TENM4: variants seen among roughly 807,000 people sequenced by gnomAD.
TENM4 encodes the protein teneurin-4.
TENM4 carries 82 observed loss-of-function variants against 243.3 expected under a neutral mutation model. That is an observed-to-expected ratio of 0.34 (90% CI 0.28 to 0.40). The LOEUF is 0.40. Among genes scored for constraint, TENM4 ranks in the 10% least tolerant of loss-of-function variants. The pLI is 1.00. For synonymous variants in TENM4, 1,412 were observed against 1,456.3 expected (o/e 0.97, Z 0.69); for missense variants, 3,138 against 3,673.3 (o/e 0.85, Z 3.77).
At chr11:79,387,915 G>A (rs959968187) in intron 1 of TENM4, among the ~76,000 whole-genome samples, 1 of 152,230 alleles carries the variant, frequency 6.6e-6, no homozygotes, top group Non-Finnish European at 1.5e-5. Flanking sequence ...TGAGGTGGAA[G>A]GATTGCTTGA....
intron 17 of TENM4, among the ~76,000 whole-genome samples, chr11:78,773,738 T>C (rs1856687767): frequency 6.6e-6 from 1 of 152,216 alleles, no homozygotes; most frequent in Admixed American, 6.5e-5. Context: ...AAATAGGTGA[T>C]GGGCCCGATT....
intron 1 of TENM4, among the ~76,000 whole-genome samples, chr11:79,423,355 C>T (rs1010138217): frequency 2.6e-5 from 4 of 151,308 alleles, no homozygotes; most frequent in East Asian, 1.9e-4. Context: ...ACACTTCCTA[C>T]GGCAAAGTTC....
At chr11:79,223,606 T>C (rs1186869280) in intron 2 of TENM4, among the ~76,000 whole-genome samples, 3 of 152,114 alleles carry the variant, frequency 2.0e-5, no homozygotes, top group Non-Finnish European at 4.4e-5. Context: ...AGCAGTTCTT[T>C]TCACTGTCCA....
chr11:78,749,552 G>A (rs1307818025), intron 19 of TENM4, among the ~76,000 whole-genome samples: 1 of 152,142 alleles, frequency 6.6e-6, no homozygotes, highest in East Asian at 1.9e-4. Context: ...CCTGGGTGGA[G>A]GTGTGGGGTG....
At chr11:79,021,052 C>T (rs917862506) in intron 6 of TENM4, among the ~76,000 whole-genome samples, 4 of 152,180 alleles carry the variant, frequency 2.6e-5, no homozygotes, top group Admixed American at 6.5e-5. Flanking sequence ...TGGGCCAGCT[C>T]AGAGCCTAGC....
intron 6 of TENM4, among the ~76,000 whole-genome samples, chr11:79,000,283 T>C (rs1591195628): frequency 1.3e-5 from 2 of 152,298 alleles, no homozygotes; most frequent in African/African-American, 2.4e-5. Context: ...TATTGAGATA[T>C]ACTCAAATCC....
Position 78,748,364 on chromosome 11 carries a change from A to G in TENM4, c.2756+8441T>C, listed in dbSNP as rs552743005. ...GATTAAGAGACTTGTCTAAGGTCACACAGCTAGCAAACAGTGAGGCTGAGA... is the reference window on the plus strand; with the variant it reads ...GATTAAGAGACTTGTCTAAGGTCACGCAGCTAGCAAACAGTGAGGCTGAGA... On this transcript the variant is annotated intron_variant, in intron 19 of 33. Coordinates refer to ENST00000278550, the MANE Select transcript of TENM4 (RefSeq NM_001098816.3). Among the ~76,000 whole-genome samples the G allele has an allele frequency of 3.9e-5, 6 of 152,368 alleles. 1 individual carries two copies. In the South Asian group the frequency reaches 1.2e-3, roughly 32 times the overall value.
intron 3 of TENM4, among the ~76,000 whole-genome samples, chr11:79,199,535 G>A (rs534730352): frequency 5.3e-5 from 8 of 152,308 alleles, no homozygotes; most frequent in African/African-American, 1.9e-4. Flanking sequence ...TGTGTGCTGA[G>A]TAGAGGATAT....
At chr11:79,142,541 A>G (rs955224360) in intron 4 of TENM4, among the ~76,000 whole-genome samples, 2 of 152,150 alleles carry the variant, frequency 1.3e-5, no homozygotes, top group African/African-American at 2.4e-5. Context: ...CAATATTGTT[A>G]AAATACTCAT....
At chr11:79,199,074 A>C (rs534876451) in intron 3 of TENM4, among the ~76,000 whole-genome samples, 20 of 152,246 alleles carry the variant, frequency 1.3e-4, no homozygotes, top group Admixed American at 5.2e-4. Flanking sequence ...AGGGGGAAGA[A>C]TGAGTCAAGA....
intron 6 of TENM4, among the ~76,000 whole-genome samples, chr11:78,942,944 G>A (rs1257938810): frequency 6.6e-6 from 1 of 152,068 alleles, no homozygotes; most frequent in Non-Finnish European, 1.5e-5. Flanking sequence ...ACGGTACTGT[G>A]TCTTTCCAAG....
intron 4 of TENM4, among the ~76,000 whole-genome samples, chr11:79,084,094 A>G (rs774855938): frequency 6.6e-6 from 1 of 152,358 alleles, no homozygotes; most frequent in South Asian, 2.1e-4. Flanking sequence ...ATATATACAC[A>G]TGGCAAATAA....
intron 4 of TENM4, among the ~76,000 whole-genome samples, chr11:79,100,622 C>T (rs568388829): frequency 6.6e-6 from 1 of 152,192 alleles, no homozygotes; most frequent in East Asian, 1.9e-4. Flanking sequence ...CTGCTTGGCA[C>T]ACAGTAAGTG....
At chr11:79,185,204 G>C (rs367742446) in intron 3 of TENM4, among the ~76,000 whole-genome samples, 2 of 152,036 alleles carry the variant, frequency 1.3e-5, no homozygotes, top group Non-Finnish European at 1.5e-5. Flanking sequence ...AGGCTGAGGT[G>C]GGGGGATTGT....
chr11:78,917,935 T>C (rs533744895), intron 6 of TENM4, among the ~76,000 whole-genome samples: 1 of 152,322 alleles, frequency 6.6e-6, no homozygotes, highest in African/African-American at 2.4e-5. Flanking sequence ...TGAGGATTCA[T>C]GTAAAGTGCT....
At chr11:79,240,468 T>C (rs1040587391) in intron 2 of TENM4, among the ~76,000 whole-genome samples, 2 of 152,206 alleles carry the variant, frequency 1.3e-5, no homozygotes, top group Admixed American at 1.3e-4. Context: ...ACCTGGACTA[T>C]GCTGTCTTAT....
chr11:78,799,951 G>A (rs1857248304), intron 15 of TENM4, among the ~76,000 whole-genome samples: 1 of 152,170 alleles, frequency 6.6e-6, no homozygotes, highest in African/African-American at 2.4e-5. Flanking sequence ...TTATGAGGCT[G>A]AGGAGAGAGG....
At chr11:78,899,131 T>C (rs1372350958) in intron 7 of TENM4, among the ~76,000 whole-genome samples, 1 of 152,064 alleles carries the variant, frequency 6.6e-6, no homozygotes, top group Non-Finnish European at 1.5e-5. Context: ...CACTATAGCA[T>C]TTTCAGGCCA....
At position 78,842,481 on chromosome 11, in the gene TENM4, A is replaced by C. The variant is rs140926416; in HGVS notation, c.1681+11623T>G. On this transcript the variant is annotated intron_variant, in intron 12 of 33. Transcript: ENST00000278550. Reference sequence around the variant, plus strand: ...GCCAAAGATACCTATACAACACCCAACTCATGCTACATCTTCACTTAAAAA... The same window carrying C: ...GCCAAAGATACCTATACAACACCCACCTCATGCTACATCTTCACTTAAAAA... Among the ~76,000 whole-genome samples the C allele has an allele frequency of 2.0e-5, 3 of 152,330 alleles. No individual in the cohort carries two copies. The East Asian group carries it at 5.8e-4, about 29-fold the overall frequency.
Sources: allele counts gnomAD v4.1 joint callset (sites outside exome capture counted in the v4.1 genomes callset), GRCh38; gene constraint gnomAD v4.1.1; transcripts MANE v1.5; gene names NCBI Gene and HGNC (gene_info 2026-07-23, HGNC 2026-07-21).